Variants in RGL1 observed in about 807,000 individuals in gnomAD.
RGL1 encodes ral guanine nucleotide dissociation stimulator like 1, also known as ral guanine nucleotide dissociation stimulator-like 1.
RGL1 carries 24 observed loss-of-function variants against 95.2 expected under a neutral mutation model. That is an observed-to-expected ratio of 0.25 (90% confidence interval 0.18 to 0.35). The LOEUF is 0.35. RGL1 is among the 10% of genes least tolerant of loss of function. The pLI, the probability that RGL1 is intolerant of heterozygous loss-of-function variation, is 1.00. For synonymous variants in RGL1, 329 were observed against 344.9 expected (o/e 0.95, Z 0.51); for missense variants, 715 against 936.3 (o/e 0.76, Z 3.08).
chr1:183,740,619 C>T (rs372266442), intron 1 of RGL1, among the ~76,000 whole-genome samples: 5 of 152,258 alleles, frequency 3.3e-5, no homozygotes, highest in East Asian at 3.9e-4. Context: ...CTGTTGTTAA[C>T]GAATGAGCAA....
intron 1 of RGL1, among the ~76,000 whole-genome samples, chr1:183,733,857 G>A (rs1656775824): frequency 6.6e-6 from 1 of 152,164 alleles, no homozygotes; most frequent in African/African-American, 2.4e-5. Context: ...GGCAGTATAT[G>A]GTATATGTGA....
chr1:183,859,242 C>T (rs1237132822), intron 3 of RGL1, among the ~76,000 whole-genome samples: 1 of 152,066 alleles, frequency 6.6e-6, no homozygotes, highest in Admixed American at 6.5e-5. Context: ...AGGAAACAGG[C>T]CAGAGAAAAG....
chr1:183,764,766 T>C (rs1658880097), intron 2 of RGL1, among the ~76,000 whole-genome samples: 1 of 152,178 alleles, frequency 6.6e-6, no homozygotes, highest in African/African-American at 2.4e-5. Context: ...TTTAATACCA[T>C]AGTTTTCTTC....
chr1:183,889,405 A>G (rs546291071), intron 8 of RGL1, among the ~76,000 whole-genome samples: 1 of 152,194 alleles, frequency 6.6e-6, no homozygotes, highest in African/African-American at 2.4e-5. Context: ...TGTATGGTCT[A>G]TACCACATGT....
chr1:183,829,804 G>A (rs754731236), intron 2 of RGL1, among the ~76,000 whole-genome samples: 3 of 152,014 alleles, frequency 2.0e-5, no homozygotes, highest in Non-Finnish European at 4.4e-5. Context: ...CCCCTGAAAC[G>A]TTCTCTCTCT....
intron 1 of RGL1, among the ~76,000 whole-genome samples, chr1:183,642,115 ACTAT>A (rs1649961966): frequency 6.6e-6 from 1 of 152,346 alleles, no homozygotes; most frequent in South Asian, 2.1e-4. Flanking sequence ...TAAGAAGTCA[ACTAT>A]CTAAGACTCA....
intron 1 of RGL1, among the ~76,000 whole-genome samples, chr1:183,644,763 TA>T (rs1650169519): frequency 6.6e-6 from 1 of 152,142 alleles, no homozygotes; most frequent in South Asian, 2.1e-4. Flanking sequence ...ATACTATGAA[TA>T]AAAAAGATGT....
intron 2 of RGL1, among the ~76,000 whole-genome samples, chr1:183,757,673 C>T (rs960264787): frequency 2.0e-5 from 3 of 152,138 alleles, no homozygotes; most frequent in African/African-American, 7.2e-5. Flanking sequence ...ATTTATTGAG[C>T]ATCTATTCTG....
At chr1:183,774,555 A>G (rs1242339497) in intron 2 of RGL1, among the ~76,000 whole-genome samples, 1 of 139,726 alleles carries the variant, frequency 7.2e-6, no homozygotes, top group Non-Finnish European at 1.5e-5. Flanking sequence ...TGAAACTTAC[A>G]TTTGTTATTT....
chr1:183,892,156 A>G lies in RGL1; in HGVS notation c.1135A>G (p.Met379Val), dbSNP rs1168516627. The G allele has an allele frequency of 6.2e-7, 1 of 1,610,172 alleles. No homozygotes were observed. Among genetic ancestry groups the G allele is most frequent in the Non-Finnish European group, 8.5e-7 (1 of 1,176,874 alleles). ...CCATTTGACCAGCCGAGAACTACTG[A>G]TGAAGGTGAGGCTCTTAGTGAGGCT... ...NNHLTSRELL[M>V]KEGTSKFANL... The change falls in exon 9 of 18, where the codon ATG (methionine) becomes GTG (valine). Residue 379 changes from methionine to valine, a missense_variant. Around this residue, in one of 3 missense-constraint regions of RGL1, gnomAD observed 381 missense variants for 484.8 expected, o/e 0.79. Coordinates refer to ENST00000360851, the MANE Select transcript of RGL1 (RefSeq NM_001297671.3).
chr1:183,754,310 A>AAGCT (rs1658204251), intron 2 of RGL1: 1 of 152,194 alleles, frequency 6.6e-6, no homozygotes, highest in South Asian at 2.1e-4. Flanking sequence ...TCTCTCCCAT[A>AAGCT]AGCTAACCTT....
chr1:183,835,033 G>A (rs1419971508), intron 2 of RGL1, among the ~76,000 whole-genome samples: 1 of 152,074 alleles, frequency 6.6e-6, no homozygotes, highest in Non-Finnish European at 1.5e-5. Context: ...CGGGTCACAA[G>A]CCATGGAAAT....
intron 2 of RGL1, among the ~76,000 whole-genome samples, chr1:183,748,025 C>T (rs780836202): frequency 3.9e-5 from 6 of 152,084 alleles, no homozygotes; most frequent in Non-Finnish European, 7.4e-5. Flanking sequence ...TGTTATTGGT[C>T]TATTCAAGGA....
intron 1 of RGL1, among the ~76,000 whole-genome samples, chr1:183,688,783 A>G (rs775572243): frequency 5.3e-5 from 8 of 152,178 alleles, no homozygotes; most frequent in Non-Finnish European, 1.0e-4. Flanking sequence ...TTTTAAAAAA[A>G]TTTCCAAGCA....
At chr1:183,670,580 T>A (rs1456362094) in intron 1 of RGL1, among the ~76,000 whole-genome samples, 15 of 152,238 alleles carry the variant, frequency 9.9e-5, no homozygotes, top group Admixed American at 9.8e-4. Flanking sequence ...TCCTAGCACT[T>A]GTTCCTGTGG....
At chr1:183,645,111 T>C (rs12042642) in intron 1 of RGL1, among the ~76,000 whole-genome samples, 10,442 of 152,282 alleles carry the variant, frequency 0.069, 626 homozygotes, top group African/African-American at 0.16. Context: ...TGGACTCCTC[T>C]AATCCATAAG....
intron 2 of RGL1, among the ~76,000 whole-genome samples, chr1:183,793,898 G>T (rs1311155560): frequency 6.6e-6 from 1 of 152,072 alleles, no homozygotes; most frequent in African/African-American, 2.4e-5. Flanking sequence ...TCACTACTGG[G>T]TATTTATCCA....
intron 2 of RGL1, among the ~76,000 whole-genome samples, chr1:183,765,366 T>A (rs1249364511): frequency 2.0e-5 from 3 of 152,204 alleles, no homozygotes; most frequent in Non-Finnish European, 4.4e-5. Context: ...TTCACAAAGT[T>A]TCTGAATTCT....
chr1:183,749,874 G>A (rs775687867), intron 2 of RGL1, among the ~76,000 whole-genome samples: 5 of 152,224 alleles, frequency 3.3e-5, no homozygotes, highest in Non-Finnish European at 5.9e-5. Flanking sequence ...CCTTAAAAAT[G>A]TTGAATATTG....
Sources: gnomAD v4.1 joint callset for allele counts (sites outside exome capture counted in the v4.1 genomes callset) on GRCh38, gnomAD v4.1.1 for gene constraint, gnomAD v4.1.1 regional missense constraint, MANE v1.5 for transcripts, NCBI Gene and HGNC (gene_info 2026-07-23, HGNC 2026-07-21) for gene names.